The following BCAS3 variants were observed in gnomAD, a reference collection of about 807,000 sequenced individuals.
The protein encoded by BCAS3 is BCAS4/BCAS3 fusion.
A neutral mutation model predicts 116.1 loss-of-function variants in BCAS3; 53 were observed. The ratio of observed to expected loss-of-function variants is 0.46; its 90% confidence interval spans 0.37 to 0.57. BCAS3 has a LOEUF of 0.57. BCAS3 is among the 20% of genes least tolerant of loss of function. The pLI is 0.00. For synonymous variants in BCAS3, 391 were observed against 408.2 expected (o/e 0.96, Z 0.51); for missense variants, 917 against 1,165.4 (o/e 0.79, Z 3.10).
intron 5 of BCAS3, among the ~76,000 whole-genome samples, chr17:60,734,247 A>G (rs1452929284): frequency 6.6e-6 from 1 of 152,174 alleles, no homozygotes. Flanking sequence ...CTCCTGCTTC[A>G]GCTTCCTGAG....
chr17:60,711,051 C>A (rs1180100144), intron 5 of BCAS3, among the ~76,000 whole-genome samples: 4 of 151,970 alleles, frequency 2.6e-5, no homozygotes, highest in African/African-American at 9.7e-5. Context: ...GATCCTCCTA[C>A]TTGGCCTCCT....
chr17:61,045,856 TATATATATAA>T (rs2068025468), intron 19 of BCAS3, among the ~76,000 whole-genome samples: 1 of 1,034 alleles, frequency 9.7e-4, no homozygotes, highest in African/African-American at 1.3e-3. Context: ...TCTCTATATA[TATATATATAA>T]ATATATATAA....
At chr17:61,121,255 T>C (rs912345888) in intron 22 of BCAS3, among the ~76,000 whole-genome samples, 1 of 152,192 alleles carries the variant, frequency 6.6e-6, no homozygotes, top group African/African-American at 2.4e-5. Flanking sequence ...TCAGCTGTTA[T>C]GGAGTTAAAA....
At chr17:61,005,286 T>A (rs909918947) in intron 15 of BCAS3, among the ~76,000 whole-genome samples, 1 of 152,116 alleles carries the variant, frequency 6.6e-6, no homozygotes, top group African/African-American at 2.4e-5. Flanking sequence ...GATTTTTTTC[T>A]TTTTCTTTTT....
At chr17:60,817,706 G>A (rs1004886138) in intron 7 of BCAS3, among the ~76,000 whole-genome samples, 6 of 152,056 alleles carry the variant, frequency 3.9e-5, no homozygotes, top group Admixed American at 6.5e-5. Flanking sequence ...ATCCCTTATC[G>A]CTCGTTATAT....
rs2048075394 is a variant in BCAS3 at position 61,247,625 on chromosome 17, C to CG, written c.2426-120702_2426-120701insG. ...AGCAAGAGCAGCATTGACCATGTGC[C>CG]AAGTCCCTTATTGCCGACCACAGCT... On this transcript the variant is annotated intron_variant, in intron 22 of 23. Transcript: ENST00000407086. Among the ~76,000 whole-genome samples the CG allele has an allele frequency of 2.6e-5, 4 of 152,292 alleles. No individual in the cohort carries two copies. The South Asian group carries it at 8.3e-4, about 32-fold the overall frequency.
At chr17:61,059,612 G>A (rs1456231527) in intron 19 of BCAS3, among the ~76,000 whole-genome samples, 1 of 152,158 alleles carries the variant, frequency 6.6e-6, no homozygotes, top group Non-Finnish European at 1.5e-5. Context: ...ACTGCCAGGT[G>A]GCACAGGTGA....
chr17:61,165,435 C>T (rs775199253), intron 22 of BCAS3, among the ~76,000 whole-genome samples: 2 of 152,192 alleles, frequency 1.3e-5, no homozygotes, highest in South Asian at 2.1e-4. Flanking sequence ...CAGTGGCTCA[C>T]GCCTATAATC....
At chr17:61,310,646 C>T (rs1234665475) in intron 22 of BCAS3, among the ~76,000 whole-genome samples, 2 of 152,114 alleles carry the variant, frequency 1.3e-5, no homozygotes, top group Non-Finnish European at 2.9e-5. Flanking sequence ...AATCTGTCCC[C>T]CTGAGCCCAA....
intron 5 of BCAS3, among the ~76,000 whole-genome samples, chr17:60,734,459 TC>T (rs1209694022): frequency 6.6e-6 from 1 of 152,206 alleles, no homozygotes; most frequent in Non-Finnish European, 1.5e-5. Context: ...TTTTAGACTT[TC>T]GTGTTTCACA....
chr17:60,801,567 C>G (rs534709354), intron 6 of BCAS3, among the ~76,000 whole-genome samples: 28 of 151,922 alleles, frequency 1.8e-4, no homozygotes, highest in Non-Finnish European at 4.1e-4. Context: ...TGCTTTATAT[C>G]TGACCTCAGA....
chr17:60,904,457 AT>A (rs2058083514), intron 11 of BCAS3, among the ~76,000 whole-genome samples: 1 of 151,846 alleles, frequency 6.6e-6, no homozygotes, highest in Non-Finnish European at 1.5e-5. Context: ...CAAACTCCCC[AT>A]TTTCTCATAC....
chr17:60,698,979 A>G (rs1211742938), intron 4 of BCAS3, among the ~76,000 whole-genome samples: 1 of 152,108 alleles, frequency 6.6e-6, no homozygotes, highest in African/African-American at 2.4e-5. Flanking sequence ...AATTGCTTGA[A>G]CCTGGGAGGC....
intron 22 of BCAS3, among the ~76,000 whole-genome samples, chr17:61,298,887 A>G (rs1159695909): frequency 6.6e-6 from 1 of 151,580 alleles, no homozygotes; most frequent in African/African-American, 2.4e-5. Flanking sequence ...CAGTGGCGCA[A>G]TCTTGGCTCA....
At position 61,390,834 on chromosome 17, in the gene BCAS3, G is replaced by C. The variant is rs1257325543; in HGVS notation, c.2594-1143G>C. Reference sequence around the variant, plus strand: ...TTTTGCACATCTTGCTGTTTCAAGTGACTGCTTTGAGGTCCTGCACTCCTG... The same window carrying C: ...TTTTGCACATCTTGCTGTTTCAAGTCACTGCTTTGAGGTCCTGCACTCCTG... On this transcript the variant is annotated intron_variant, in intron 23 of 23. Transcript: ENST00000407086. This position sits in a 1 kb window ranked among gnomAD's most constrained non-coding sequence, Gnocchi z 6.8. The C allele has an allele frequency of 6.6e-6, 1 of 152,172 alleles. No individual in the cohort carries two copies. The highest frequency in any genetic ancestry group is 1.5e-5 in the Non-Finnish European group (1 of 68,064). The allele number at this position is 152,172 out of a possible 1,614,324, so 9.4% of individuals were successfully genotyped here.
At chr17:61,154,240 A>G (rs904174347) in intron 22 of BCAS3, among the ~76,000 whole-genome samples, 1 of 152,202 alleles carries the variant, frequency 6.6e-6, no homozygotes, top group African/African-American at 2.4e-5. Flanking sequence ...AAGAAAACTC[A>G]TGTAATACAG....
At position 61,279,469 on chromosome 17, in the gene BCAS3, G is replaced by C. The variant is rs970514195; in HGVS notation, c.2426-88858G>C. Among the ~76,000 whole-genome samples the C allele has an allele frequency of 6.6e-6, 1 of 152,096 alleles. No individual in the cohort carries two copies. The highest frequency in any genetic ancestry group is 2.4e-5 in the African/African-American group (1 of 41,422). ...TTATTTGGGTTCTTCTTGAAGAGCA[G>C]CTTCTGCCTAGCCCATGGTGGCTAA... On this transcript the variant is annotated intron_variant, in intron 22 of 23. Coordinates refer to ENST00000407086, the MANE Select transcript of BCAS3 (RefSeq NM_017679.5). The surrounding 1 kb of genome is among the most constrained non-coding windows in gnomAD (Gnocchi z 4.4).
intron 5 of BCAS3, among the ~76,000 whole-genome samples, chr17:60,718,485 A>G (rs1205715282): frequency 6.6e-6 from 1 of 152,104 alleles, no homozygotes; most frequent in East Asian, 1.9e-4. Flanking sequence ...CCCAGGCTGG[A>G]GGGCAGTGAT....
chr17:60,879,042 G>C (rs762666238), intron 9 of BCAS3, among the ~76,000 whole-genome samples: 2 of 152,086 alleles, frequency 1.3e-5, no homozygotes, highest in African/African-American at 4.8e-5. Flanking sequence ...AGCTGGTTTT[G>C]CCTGTTAGAC....
Sources: gnomAD v4.1 joint callset for allele counts (sites outside exome capture counted in the v4.1 genomes callset) on GRCh38, gnomAD v4.1.1 for gene constraint, Gnocchi (gnomAD v3.1) non-coding constraint, MANE v1.5 for transcripts, NCBI Gene and HGNC (gene_info 2026-07-23, HGNC 2026-07-21) for gene names.